Variants in DOCK5 observed in about 807,000 individuals in gnomAD.
DOCK5 encodes dedicator of cytokinesis 5.
Under a neutral mutation model 251.8 loss-of-function variants are expected in DOCK5, and 142 were observed. That is an observed-to-expected ratio of 0.56 (90% CI 0.49 to 0.65). The LOEUF (loss-of-function observed/expected upper bound fraction) is 0.65. Among genes scored for constraint, DOCK5 ranks in the 30% least tolerant of loss-of-function variants. The pLI is 0.00. For missense variants in DOCK5, 2,111 were observed against 2,312.3 expected, an observed-to-expected ratio of 0.91 and a Z score of 1.79; for synonymous variants, 842 against 835.5, an observed-to-expected ratio of 1.01 and a Z score of -0.13.
intron 1 of DOCK5, among the ~76,000 whole-genome samples, chr8:25,213,670 C>T (rs1042798050): frequency 1.3e-5 from 2 of 152,174 alleles, no homozygotes; most frequent in African/African-American, 4.8e-5. Flanking sequence ...CCTCACCCCC[C>T]AAAGAAAAGC....
chr8:25,333,194 T>C (rs1805722873), intron 20 of DOCK5, among the ~76,000 whole-genome samples: 1 of 152,120 alleles, frequency 6.6e-6, no homozygotes, highest in Non-Finnish European at 1.5e-5. Context: ...TATCAGAATC[T>C]GGGAAAGCCA....
rs1448573773 is a variant in DOCK5 at position 25,364,688 on chromosome 8, C to A, written c.3107C>A (p.Ala1036Glu). The A allele has an allele frequency of 1.3e-6, 2 of 1,594,776 alleles. No individual in the cohort carries two copies. Among genetic ancestry groups the A allele is most frequent in the South Asian group, 2.3e-5 (2 of 88,128 alleles). ...EVLTRFFMDQ[A>E]SFELQLWNNY... ...CTCACAAGATTCTTCATGGATCAGGCAAGCTTTGAACTTCAGGTAGGCATG... is the reference window on the plus strand; with the variant it reads ...CTCACAAGATTCTTCATGGATCAGGAAAGCTTTGAACTTCAGGTAGGCATG... The change falls in exon 30 of 52, where the codon GCA (alanine) becomes GAA (glutamate). Residue 1036 changes from alanine to glutamate, a missense_variant. Transcript: ENST00000276440.
intron 2 of DOCK5, among the ~76,000 whole-genome samples, chr8:25,249,655 C>T (rs937986719): frequency 8.5e-5 from 13 of 152,304 alleles, no homozygotes; most frequent in East Asian, 1.9e-4. Flanking sequence ...GGCATGATCA[C>T]GGCTCACTGC....
intron 1 of DOCK5, among the ~76,000 whole-genome samples, chr8:25,237,539 AAAAG>A (rs1161622150): frequency 6.6e-6 from 1 of 152,188 alleles, no homozygotes; most frequent in Admixed American, 6.5e-5. Context: ...AGCCTGGTTT[AAAAG>A]AAAGAGCCAA....
intron 13 of DOCK5, among the ~76,000 whole-genome samples, chr8:25,312,623 C>T (rs1464385844): frequency 1.3e-5 from 2 of 151,880 alleles, no homozygotes; most frequent in East Asian, 1.9e-4. Context: ...ATCAGCTGGG[C>T]GAGTTGACGT....
intron 37 of DOCK5, 125 bp downstream of exon 37, chr8:25,374,779 T>A: frequency 1.9e-6 from 3 of 1,578,644 alleles, no homozygotes; most frequent in Non-Finnish European, 2.6e-6. Context: ...TATACAAGTT[T>A]TTTTAGTTCT....
intron 1 of DOCK5, among the ~76,000 whole-genome samples, chr8:25,208,344 G>A (rs1802051051): frequency 6.6e-6 from 1 of 152,198 alleles, no homozygotes; most frequent in Admixed American, 6.5e-5. Context: ...AAGTTATACT[G>A]TGGGTGAAAT....
At position 25,332,652 on chromosome 8, in the gene DOCK5, C is replaced by G; in HGVS notation, c.2051C>G (p.Ser684Ter). Reference protein sequence around the residue: ...DALFNIMMEMSDSETYDFLVF... With the variant: ...DALFNIMMEM ...CTCTTTAACATAATGATGGAAATGT[C>G]AGACAGTGAAACCTATGACTTCCTT... The change falls in exon 20 of 52, where the codon TCA becomes TGA. Residue 684 changes from serine (S) to a stop codon, truncating the protein, a stop_gained. Coordinates refer to ENST00000276440, the MANE Select transcript of DOCK5 (RefSeq NM_024940.8). LOFTEE classifies it high-confidence loss of function. 6.2e-7 allele frequency: 1 copy of G among 1,612,606 alleles called. No individual in the cohort carries two copies. Among genetic ancestry groups the G allele is most frequent in the Non-Finnish European group, 8.5e-7 (1 of 1,179,414 alleles).
At chr8:25,366,835 C>A in intron 30 of DOCK5, 35 bp from the exon 31 acceptor site, 1 of 1,547,480 alleles carries the variant, frequency 6.5e-7, no homozygotes, top group South Asian at 1.1e-5. Context: ...TGTTATTTTT[C>A]ATTTCCCTTT....
chr8:25,292,898 T>G (rs1167541525), intron 6 of DOCK5, among the ~76,000 whole-genome samples: 1 of 152,210 alleles, frequency 6.6e-6, no homozygotes, highest in Non-Finnish European at 1.5e-5. Context: ...ACCGGGACCA[T>G]TGTCTATGGT....
At chr8:25,362,209 T>C (rs1195678044) in intron 28 of DOCK5, among the ~76,000 whole-genome samples, 1 of 152,206 alleles carries the variant, frequency 6.6e-6, no homozygotes, top group Non-Finnish European at 1.5e-5. Context: ...ATTCTGCTTC[T>C]TGTGTGTATC....
chr8:25,206,738 G>A (rs1034652310), intron 1 of DOCK5, among the ~76,000 whole-genome samples: 2 of 152,172 alleles, frequency 1.3e-5, no homozygotes, highest in African/African-American at 2.4e-5. Context: ...ATGGTTTGAC[G>A]CAAAGAAGTA....
At chr8:25,302,968 A>C (rs1266813104) in intron 10 of DOCK5, among the ~76,000 whole-genome samples, 2 of 152,192 alleles carry the variant, frequency 1.3e-5, no homozygotes, top group Admixed American at 6.5e-5. Context: ...AAGATGAGAA[A>C]GTTCTAGAGA....
At position 25,392,803 on chromosome 8, in the gene DOCK5, G is replaced by A. The variant is rs1385775300; in HGVS notation, c.4448G>A (p.Trp1483Ter). The change falls in exon 44 of 52, where the codon TGG (tryptophan) becomes TAG (stop). Residue 1483 changes from tryptophan to a stop codon, truncating the protein, a stop_gained. Coordinates refer to ENST00000276440, the MANE Select transcript of DOCK5 (RefSeq NM_024940.8). LOFTEE classifies it high-confidence loss of function. ...KDPDNEFATM[W>*]IERTTYTTAY... ...TTTCCTTCTTGCCACCAGACGATGT[G>A]GATTGAACGGACCACGTATACGACT... 1 of 1,612,616 alleles carries A rather than the reference G, an allele frequency of 6.2e-7. No homozygotes were observed. The highest frequency in any genetic ancestry group is 8.5e-7 in the Non-Finnish European group (1 of 1,179,382).
At chr8:25,228,221 T>C (rs989988699) in intron 1 of DOCK5, among the ~76,000 whole-genome samples, 3 of 152,238 alleles carry the variant, frequency 2.0e-5, no homozygotes, top group South Asian at 2.1e-4. Context: ...TTAATGAAAA[T>C]AGAACATCAT....
intron 2 of DOCK5, among the ~76,000 whole-genome samples, chr8:25,245,923 T>C (rs918432068): frequency 1.3e-5 from 2 of 152,170 alleles, no homozygotes; most frequent in Non-Finnish European, 2.9e-5. Flanking sequence ...TTTCCTGCTT[T>C]CTCTGTTACT....
chr8:25,376,472 G>C, intron 37 of DOCK5: 1 of 653,966 alleles, frequency 1.5e-6, no homozygotes, highest in African/African-American at 2.0e-5. Context: ...GTACCATACT[G>C]TATTAATTAT....
chr8:25,270,399 T>C (rs956363208), intron 3 of DOCK5, among the ~76,000 whole-genome samples: 33 of 152,314 alleles, frequency 2.2e-4, no homozygotes, highest in African/African-American at 7.9e-4. Flanking sequence ...CTCTTGCTTT[T>C]TTAGCCCTAT....
chr8:25,361,846 G>C (rs935300504), intron 28 of DOCK5, among the ~76,000 whole-genome samples: 5 of 152,116 alleles, frequency 3.3e-5, no homozygotes, highest in African/African-American at 1.2e-4. Flanking sequence ...GAAAAATATG[G>C]TTAGCAATAG....
Sources: gnomAD v4.1 joint callset for allele counts (sites outside exome capture counted in the v4.1 genomes callset) on GRCh38, gnomAD v4.1.1 for gene constraint, MANE v1.5 for transcripts, NCBI Gene and HGNC (gene_info 2026-07-23, HGNC 2026-07-21) for gene names.